CYP27C1: variants seen among roughly 807,000 people sequenced by gnomAD.
CYP27C1 encodes cytochrome P450 family 27 subfamily C member 1, also known as cytochrome P450 27C1.
Under a neutral mutation model 40.6 loss-of-function variants are expected in CYP27C1, and 29 were observed. The observed-to-expected ratio is 0.71, with a 90% confidence interval of 0.53 to 0.97. CYP27C1 has a LOEUF of 0.97. Among genes scored for constraint, CYP27C1 ranks in the 50% least tolerant of loss-of-function variants. The pLI is 0.00. For missense variants in CYP27C1, 390 were observed against 485.8 expected (o/e 0.80, Z 1.85); for synonymous variants, 198 against 186.8 (o/e 1.06, Z -0.49).
intron 8 of CYP27C1, among the ~76,000 whole-genome samples, chr2:127,189,761 G>C (rs1198094608): frequency 6.6e-6 from 1 of 152,096 alleles, no homozygotes; most frequent in Non-Finnish European, 1.5e-5. Context: ...GAATTCTACT[G>C]ACAGATTTTC....
chr2:127,193,084 C>T lies in CYP27C1; in HGVS notation c.1497+10G>A. On this transcript the variant is annotated intron_variant, in intron 8 of 8. Transcript: ENST00000664447. ...AACCCAAAGGCCAACGTTTGGCCTC[C>T]ACGCCCTACCTGGATCACGACGAGG... The T allele has an allele frequency of 6.2e-7, 1 of 1,613,934 alleles. No homozygotes were observed. Among genetic ancestry groups the T allele is most frequent in the Non-Finnish European group, 8.5e-7 (1 of 1,179,952 alleles).
In CYP27C1 at chr2:127,196,246, G is replaced by A. The variant is rs1682902282; in HGVS notation, c.1048-745C>T. Among the ~76,000 whole-genome samples, 1 of 77,082 alleles carries A rather than the reference G, an allele frequency of 1.3e-5. No homozygotes were observed. Among genetic ancestry groups the A allele is most frequent in the Non-Finnish European group, 2.5e-5 (1 of 39,834 alleles). 50.6% of individuals were successfully genotyped at this position (77,082 alleles called of 152,430 possible). A position where few individuals can be genotyped will look rare whatever the true frequency, so the allele number is the denominator to read the frequency against. ...CCCGGCTAATTTTTTGTATTTTTAG[G>A]AGAGACAGGATTTCACTGTTAGCCA... On this transcript the variant is annotated intron_variant, in intron 5 of 8. Transcript: ENST00000664447. The surrounding 1 kb of genome is among the most constrained non-coding windows in gnomAD (Gnocchi z 4.5).
chr2:127,195,157 C>G lies in CYP27C1; in HGVS notation c.1214+178G>C, dbSNP rs958066419. 6.6e-6 allele frequency among the ~76,000 whole-genome samples: 1 copy of G among 152,094 alleles called. No individual in the cohort carries two copies. The highest frequency in any genetic ancestry group is 2.4e-5 in the African/African-American group (1 of 41,418). ...TCTTTACAGAGAACAAGGATTATGT[C>G]GACCCATAAAACAGAATGGTCTTTC... is the stretch of plus-strand genomic sequence containing the variant. On this transcript the variant is annotated intron_variant, in intron 6 of 8. Transcript: ENST00000664447. The surrounding 1 kb of genome is among the most constrained non-coding windows in gnomAD (Gnocchi z 6.2).
intron 2 of CYP27C1, among the ~76,000 whole-genome samples, chr2:127,204,450 AAGAAAGAAAGAAAGAAAGAAAG>A (rs1683129012): frequency 2.6e-5 from 1 of 39,020 alleles, no homozygotes; most frequent in South Asian, 7.4e-4. Context: ...AAAAGAAAGA[AAGAAAGAAAGAAAGAAAGAAAG>A]AAAGAAAGAA....
intron 8 of CYP27C1, 36 bp downstream of exon 8, chr2:127,193,058 G>A (rs766960131): frequency 1.1e-5 from 18 of 1,609,864 alleles, no homozygotes; most frequent in African/African-American, 8.0e-5. Context: ...GAAAGAGGCC[G>A]AACCCAAAGG....
chr2:127,203,667 A>G, intron 2 of CYP27C1, 96 bp from the exon 3 acceptor site: 2 of 1,297,716 alleles, frequency 1.5e-6, no homozygotes, highest in Non-Finnish European at 2.1e-6. Context: ...GCCATAAAGA[A>G]TCAACAAGAG....
At chr2:127,197,988 G>A (rs1292508629) in intron 5 of CYP27C1, among the ~76,000 whole-genome samples, 1 of 152,176 alleles carries the variant, frequency 6.6e-6, no homozygotes, top group Admixed American at 6.5e-5. Flanking sequence ...ACAGCCGGGA[G>A]GGGGCGGTGC....
Position 127,195,707 on chromosome 2 carries a change from C to T in CYP27C1, c.1048-206G>A, listed in dbSNP as rs186005644. ...ATAAATAAATAAATAAATAACTGAA[C>T]GTATTTGGCAAGTGACATTGACTCT... On this transcript the variant is annotated intron_variant, in intron 5 of 8. Transcript: ENST00000664447. This position sits in a 1 kb window ranked among gnomAD's most constrained non-coding sequence, Gnocchi z 6.2. Among the ~76,000 whole-genome samples, 2 of 152,228 alleles carry T rather than the reference C, an allele frequency of 1.3e-5. No individual in the cohort carries two copies. Among genetic ancestry groups the T allele is most frequent in the East Asian group, 1.9e-4 (1 of 5,184 alleles).
At position 127,209,454 on chromosome 2, in the gene CYP27C1, TCTC is replaced by T. The variant is rs1683295648; in HGVS notation, c.283-3367_283-3365del. Among the ~76,000 whole-genome samples, 1 of 152,114 alleles carries T rather than the reference TCTC, an allele frequency of 6.6e-6. No individual in the cohort carries two copies. Among genetic ancestry groups the T allele is most frequent in the South Asian group, 2.1e-4 (1 of 4,826 alleles). On this transcript the variant is annotated intron_variant, in intron 1 of 8. Transcript: ENST00000664447. The surrounding 1 kb of genome is among the most constrained non-coding windows in gnomAD (Gnocchi z 4.1). ...AAAACCAAAAGGCCTGAGTGCCTCT[TCTC>T]CTCCAAATAATCACAATGTCTCTCC...
intron 1 of CYP27C1, among the ~76,000 whole-genome samples, chr2:127,207,038 A>T (rs571861260): frequency 4.6e-5 from 7 of 152,326 alleles, no homozygotes; most frequent in Non-Finnish European, 8.8e-5. Context: ...AATTTAAAAA[A>T]CAATTCAATT....
In CYP27C1 at chr2:127,208,402, C is replaced by A. The variant is rs188174260; in HGVS notation, c.283-2312G>T. Among the ~76,000 whole-genome samples, 1 of 152,310 alleles carries A rather than the reference C, an allele frequency of 6.6e-6. No individual in the cohort carries two copies. Among genetic ancestry groups the A allele is most frequent in the African/African-American group, 2.4e-5 (1 of 41,568 alleles). Reference sequence around the variant, plus strand: ...AGGTCAGAAGATCCCACTCTCGAACCCATGCCACCAGAGCCAAGCATCCCA... The same window carrying A: ...AGGTCAGAAGATCCCACTCTCGAACACATGCCACCAGAGCCAAGCATCCCA... On this transcript the variant is annotated intron_variant, in intron 1 of 8. Transcript: ENST00000664447. The surrounding 1 kb of genome is among the most constrained non-coding windows in gnomAD (Gnocchi z 5.2).
At chr2:127,194,645 A>C (rs563520546) in intron 6 of CYP27C1, among the ~76,000 whole-genome samples, 5 of 152,304 alleles carry the variant, frequency 3.3e-5, no homozygotes, top group African/African-American at 1.2e-4. Flanking sequence ...TCACTCAAGA[A>C]CCATGAGGTT....
Position 127,220,195 on chromosome 2 carries a change from C to T in CYP27C1, c.76G>A (p.Ala26Thr), listed in dbSNP as rs893956236. The T allele has an allele frequency of 6.7e-6, 1 of 149,936 alleles. No homozygotes were observed. The highest frequency in any genetic ancestry group is 1.5e-5 in the Non-Finnish European group (1 of 67,356). The allele number at this position is 149,936 out of a possible 1,614,324, so 9.3% of individuals were successfully genotyped here. Residue 26 changes from alanine to threonine, a missense_variant, in exon 1 of 9, where the codon GCC becomes ACC. Coordinates refer to ENST00000664447, the MANE Select transcript of CYP27C1 (RefSeq NM_001367502.1). The surrounding 1 kb of genome is among the most constrained non-coding windows in gnomAD (Gnocchi z 4.6). ...PERGGLLGGG[A>T]PRRPQPAGAR... ...CCCGCGGGTTGAGGCCGCCGCGGGGCCCCGCCGCCCAGGAGCCCACCCCGC... is the reference window on the plus strand; with the variant it reads ...CCCGCGGGTTGAGGCCGCCGCGGGGTCCCGCCGCCCAGGAGCCCACCCCGC...
At chr2:127,204,191 G>A (rs1683105805) in intron 2 of CYP27C1, among the ~76,000 whole-genome samples, 2 of 150,268 alleles carry the variant, frequency 1.3e-5, no homozygotes, top group Non-Finnish European at 1.5e-5. Context: ...ACTTGAACCC[G>A]GGAGGCAGAG....
chr2:127,200,072 C>T lies in CYP27C1; in HGVS notation c.884-533G>A, dbSNP rs936362002. Among the ~76,000 whole-genome samples, 28 of 152,180 alleles carry T rather than the reference C, an allele frequency of 1.8e-4. No individual in the cohort carries two copies. Among genetic ancestry groups the T allele is most frequent in the Non-Finnish European group, 3.1e-4 (21 of 68,026 alleles). On this transcript the variant is annotated intron_variant, in intron 4 of 8. Transcript: ENST00000664447. This position sits in a 1 kb window ranked among gnomAD's most constrained non-coding sequence, Gnocchi z 4.2. Reference sequence around the variant, plus strand: ...TCGGCTCACTGCAACCTCCGCCTCCCGGGTTCAAGCCATTCTCCTGCCTCA... The same window carrying T: ...TCGGCTCACTGCAACCTCCGCCTCCTGGGTTCAAGCCATTCTCCTGCCTCA...
At chr2:127,192,128 C>T (rs1452776475) in intron 8 of CYP27C1, among the ~76,000 whole-genome samples, 2 of 152,200 alleles carry the variant, frequency 1.3e-5, no homozygotes, top group African/African-American at 4.8e-5. Flanking sequence ...GGGGCACCTG[C>T]ATGACTTGTA....
rs1191291920 is a variant in CYP27C1 at position 127,195,284 on chromosome 2, C to T, written c.1214+51G>A. 6.2e-7 allele frequency: 1 copy of T among 1,610,200 alleles called. No individual in the cohort carries two copies. Among genetic ancestry groups the T allele is most frequent in the Admixed American group, 1.7e-5 (1 of 59,874 alleles). ...TTGGAGGACTTGTTGTGATAGAGAA[C>T]CAGGGACCTAAGGGACACAGTTTGT... On this transcript the variant is annotated intron_variant, in intron 6 of 8. Transcript: ENST00000664447. The surrounding 1 kb of genome is among the most constrained non-coding windows in gnomAD (Gnocchi z 6.2).
chr2:127,204,551 G>GAAAGAAAGAAAGAA (rs1348322397), intron 2 of CYP27C1, among the ~76,000 whole-genome samples: 7 of 51,296 alleles, frequency 1.4e-4, no homozygotes, highest in Non-Finnish European at 2.0e-4. Context: ...GAGAGAGAGA[G>GAAAGAAAGAAAGAA]AGAGAGAAAG....
rs553779881 is a variant in CYP27C1, at chr2:127,188,137, G to A, written c.1498-750C>T. Among the ~76,000 whole-genome samples, 38 of 152,284 alleles carry A rather than the reference G, an allele frequency of 2.5e-4. 1 individual carries two copies. The South Asian group carries it at 7.7e-3, about 31-fold the overall frequency. On this transcript the variant is annotated intron_variant, in intron 8 of 8. Coordinates refer to ENST00000664447, the MANE Select transcript of CYP27C1 (RefSeq NM_001367502.1). ...GGGGGGAGGAGGGACCTTGCTTTCA[G>A]CCCATTTGGAAAGGGCAGGGGGCAG... is the stretch of plus-strand genomic sequence containing the variant.
Sources: allele counts gnomAD v4.1 joint callset (sites outside exome capture counted in the v4.1 genomes callset), GRCh38; gene constraint gnomAD v4.1.1; non-coding constraint Gnocchi (gnomAD v3.1); transcripts MANE v1.5; gene names NCBI Gene and HGNC (gene_info 2026-07-23, HGNC 2026-07-21).